The following TM2D1 variants were observed in gnomAD, a reference collection of about 807,000 sequenced individuals.
TM2D1 encodes TM2 domain containing 1.
Under a neutral mutation model 28.4 loss-of-function variants are expected in TM2D1, and 15 were observed. That is an observed-to-expected ratio of 0.53 (90% CI 0.35 to 0.81). TM2D1 has a LOEUF of 0.81. Ranked by LOEUF, TM2D1 falls within the 40% of genes least tolerant of loss-of-function variation. The pLI is 0.01. For missense variants in TM2D1, 236 were observed against 254.9 expected (o/e 0.93, Z 0.50); for synonymous variants, 93 against 96.2 (o/e 0.97, Z 0.20).
rs1237520200 is a variant in TM2D1, at chr1:61,710,463, C to CAT, written c.239-1028_239-1027dup. ...AAAAAAAAATGTATATATATATATA[C>CAT]ATATATATATATACACACACACACA... On this transcript the variant is annotated intron_variant, in intron 2 of 6. Coordinates refer to ENST00000606498, the MANE Select transcript of TM2D1 (RefSeq NM_032027.3). Among the ~76,000 whole-genome samples the CAT allele has an allele frequency of 6.1e-3, 480 of 78,836 alleles. 5 individuals are homozygous for CAT. The highest frequency in any genetic ancestry group is 8.4e-3 in the Non-Finnish European group (351 of 41,578). The allele number at this position is 78,836 out of a possible 152,430, so 51.7% of individuals were successfully genotyped here.
intron 5 of TM2D1, among the ~76,000 whole-genome samples, chr1:61,693,031 T>A (rs1262259176): frequency 6.6e-6 from 1 of 151,996 alleles, no homozygotes; most frequent in Non-Finnish European, 1.5e-5. Flanking sequence ...TTGCTTGAGC[T>A]CAGGAGACCA....
At chr1:61,719,810 T>C (rs1462998310) in intron 2 of TM2D1, among the ~76,000 whole-genome samples, 2 of 152,224 alleles carry the variant, frequency 1.3e-5, no homozygotes, top group African/African-American at 4.8e-5. Flanking sequence ...TGGAGTGCTT[T>C]ATACTACTCT....
intron 4 of TM2D1, chr1:61,700,317 G>GTAA: frequency 7.0e-7 from 1 of 1,427,324 alleles, no homozygotes; most frequent in Non-Finnish European, 9.1e-7. Context: ...TCAGAGGGTT[G>GTAA]TAAGTCTTCA....
At chr1:61,686,310 T>C (rs1334532215) in intron 5 of TM2D1, among the ~76,000 whole-genome samples, 3 of 1,424 alleles carry the variant, frequency 2.1e-3, no homozygotes, top group Non-Finnish European at 8.4e-3. Flanking sequence ...TATTTACTTT[T>C]TAAAAAAAAA....
chr1:61,718,506 T>C (rs112802757), intron 2 of TM2D1, among the ~76,000 whole-genome samples: 9 of 152,330 alleles, frequency 5.9e-5, no homozygotes, highest in African/African-American at 2.2e-4. Flanking sequence ...GCCAGAATCA[T>C]TAATGGGATG....
intron 5 of TM2D1, chr1:61,686,666 A>T (rs1194942468): frequency 9.3e-6 from 4 of 431,000 alleles, no homozygotes; most frequent in Non-Finnish European, 1.2e-5. Context: ...CTCTATCTCA[A>T]AGAAAAAATA....
intron 2 of TM2D1, among the ~76,000 whole-genome samples, chr1:61,715,645 C>CAAAAAAAAAAA (rs759796747): frequency 1.8e-4 from 3 of 16,426 alleles, no homozygotes; most frequent in Non-Finnish European, 3.8e-4. Context: ...AAGACTGTCT[C>CAAAAAAAAAAA]AAAAAAAAAA....
intron 2 of TM2D1, among the ~76,000 whole-genome samples, chr1:61,714,662 C>G (rs1162671657): frequency 6.6e-6 from 1 of 152,198 alleles, no homozygotes; most frequent in African/African-American, 2.4e-5. Flanking sequence ...TTAAGAGACC[C>G]TCCCGCCTCA....
At chr1:61,722,381 G>A (rs774200065) in intron 2 of TM2D1, among the ~76,000 whole-genome samples, 12 of 151,828 alleles carry the variant, frequency 7.9e-5, no homozygotes, top group African/African-American at 2.4e-4. Flanking sequence ...AACTTTTTCC[G>A]CCCCAGAGAC....
At chr1:61,706,570 A>T (rs1644442175) in intron 3 of TM2D1, among the ~76,000 whole-genome samples, 1 of 150,880 alleles carries the variant, frequency 6.6e-6, no homozygotes, top group South Asian at 2.2e-4. Context: ...GCACTTTGGG[A>T]GGCCAAAGCA....
intron 3 of TM2D1, among the ~76,000 whole-genome samples, chr1:61,705,788 C>T (rs1051279651): frequency 2.6e-5 from 4 of 152,004 alleles, no homozygotes; most frequent in African/African-American, 9.7e-5. Context: ...CCAAGTTAAC[C>T]CAAATGAAGC....
chr1:61,716,580 T>C (rs1644523923), intron 2 of TM2D1, among the ~76,000 whole-genome samples: 1 of 100,146 alleles, frequency 1.0e-5, no homozygotes, highest in South Asian at 3.3e-4. Flanking sequence ...TATATAATTT[T>C]ATATATATAT....
intron 2 of TM2D1, 43 bp from the exon 3 acceptor site, chr1:61,709,480 G>A (rs879210995): frequency 7.4e-7 from 1 of 1,354,184 alleles, no homozygotes; most frequent in Non-Finnish European, 1.1e-6. Context: ...TTTTTTTTCT[G>A]GAGAAACAGT....
intron 5 of TM2D1, among the ~76,000 whole-genome samples, chr1:61,691,932 A>AAATATATATATATATAC: frequency 2.6e-5 from 2 of 76,414 alleles, no homozygotes; most frequent in Non-Finnish European, 5.1e-5. Flanking sequence ...AAAAAAAAAA[A>AAATATATATATATATAC]ATATATATAT....
At chr1:61,719,074 T>G (rs1644542144) in intron 2 of TM2D1, among the ~76,000 whole-genome samples, 2 of 152,160 alleles carry the variant, frequency 1.3e-5, no homozygotes, top group South Asian at 2.1e-4. Flanking sequence ...TATTTTTTAT[T>G]TATTTATTTT....
In TM2D1 at chr1:61,723,740, C is replaced by A; in HGVS notation, c.211G>T (p.Val71Phe). Reference protein sequence around the residue: ...PKINDATQEPVNCTNYTAHVS... With the variant: ...PKINDATQEPFNCTNYTAHVS... ...TGAGCTGTGTAGTTTGTACAGTTAACTGGTTCTTGCGTAGCGTCATTTATT... is the reference window on the plus strand; with the variant it reads ...TGAGCTGTGTAGTTTGTACAGTTAAATGGTTCTTGCGTAGCGTCATTTATT... Residue 71 changes from valine to phenylalanine, a missense_variant, in exon 2 of 7, where the codon GTT becomes TTT. Val to Phe is a conservative substitution (Grantham distance 50, BLOSUM62 -1). Transcript: ENST00000606498. The A allele has an allele frequency of 6.4e-7, 1 of 1,563,612 alleles. No homozygotes were observed. Among genetic ancestry groups the A allele is most frequent in the Non-Finnish European group, 8.7e-7 (1 of 1,149,544 alleles).
intron 2 of TM2D1, among the ~76,000 whole-genome samples, chr1:61,710,425 C>CA (rs1171048869): frequency 0.03 from 1,721 of 58,156 alleles, 64 homozygotes; most frequent in African/African-American, 0.038. Context: ...GACCCTGTCC[C>CA]AAAAAAAAAA....
At chr1:61,723,645 A>G (rs1476459660) in intron 2 of TM2D1, 68 bp downstream of exon 2, 9 of 786,360 alleles carry the variant, frequency 1.1e-5, no homozygotes, top group Non-Finnish European at 1.8e-5. Context: ...GCCTTTAGTG[A>G]TCATACATTG....
At chr1:61,713,783 T>C (rs1644496364) in intron 2 of TM2D1, among the ~76,000 whole-genome samples, 1 of 152,034 alleles carries the variant, frequency 6.6e-6, no homozygotes, top group Non-Finnish European at 1.5e-5. Flanking sequence ...CTTATTATGA[T>C]ACCAGCTGGG....
Sources: gnomAD v4.1 joint callset for allele counts (sites outside exome capture counted in the v4.1 genomes callset) on GRCh38, gnomAD v4.1.1 for gene constraint, MANE v1.5 for transcripts, NCBI Gene and HGNC (gene_info 2026-07-23, HGNC 2026-07-21) for gene names.